The following SHISA9 variants were observed in gnomAD, a reference collection of about 807,000 sequenced individuals.
SHISA9 encodes protein shisa-9.
SHISA9 carries 13 observed loss-of-function variants against 38.0 expected under a neutral mutation model. The ratio of observed to expected loss-of-function variants is 0.34; its 90% CI spans 0.22 to 0.54. SHISA9 has a LOEUF of 0.54. SHISA9 is among the 20% of genes least tolerant of loss of function. SHISA9 has a pLI of 0.91. For synonymous variants in SHISA9, 275 were observed against 242.0 expected (o/e 1.14, Z -1.27); for missense variants, 538 against 575.8 (o/e 0.93, Z 0.67).
At chr16:13,255,296 C>T in the SHISA9 span, among the ~76,000 whole-genome samples, 1 of 152,022 alleles carries the variant, frequency 6.6e-6, no homozygotes, top group Non-Finnish European at 1.5e-5. Flanking sequence ...ATCTTTCTTC[C>T]TTTTTGTTTC....
chr16:13,477,921 C>T, the SHISA9 span, among the ~76,000 whole-genome samples: 2 of 152,156 alleles, frequency 1.3e-5, no homozygotes, highest in Non-Finnish European at 2.9e-5. Flanking sequence ...GCTGAGATCA[C>T]ACCATTGCAC....
At chr16:12,952,381 C>T (rs1039345918) in intron 2 of SHISA9, among the ~76,000 whole-genome samples, 12 of 152,210 alleles carry the variant, frequency 7.9e-5, no homozygotes, top group Non-Finnish European at 1.6e-4. Flanking sequence ...CTTCAGCTGA[C>T]GTGTGGTTGA....
At chr16:13,458,453 G>A in the SHISA9 span, 8 of 384,372 alleles carry the variant, frequency 2.1e-5, no homozygotes, top group African/African-American at 4.3e-5. Context: ...CAGATAAAGC[G>A]GAGGGAAGGG....
chr16:13,468,802 C>A, the SHISA9 span, among the ~76,000 whole-genome samples: 1 of 151,842 alleles, frequency 6.6e-6, no homozygotes, highest in African/African-American at 2.4e-5. Flanking sequence ...CATAGTGAGA[C>A]CCTGTCTGTC....
At chr16:13,035,360 C>T (rs1053046624) in intron 2 of SHISA9, among the ~76,000 whole-genome samples, 1 of 152,226 alleles carries the variant, frequency 6.6e-6, no homozygotes, top group Admixed American at 6.5e-5. Context: ...GAAAACATGG[C>T]AGGTCTTTTT....
chr16:13,253,024 C>T, the SHISA9 span, among the ~76,000 whole-genome samples: 2 of 152,198 alleles, frequency 1.3e-5, no homozygotes, highest in Non-Finnish European at 2.9e-5. Context: ...TGAAGACCTT[C>T]ATGATGATCC....
At chr16:13,007,750 C>T (rs748568996) in intron 2 of SHISA9, among the ~76,000 whole-genome samples, 2 of 152,220 alleles carry the variant, frequency 1.3e-5, no homozygotes, top group Non-Finnish European at 2.9e-5. Context: ...GCTTATGCAT[C>T]TTTCTTCTAC....
At chr16:13,499,025 G>A in the SHISA9 span, among the ~76,000 whole-genome samples, 1 of 152,174 alleles carries the variant, frequency 6.6e-6, no homozygotes, top group African/African-American at 2.4e-5. Flanking sequence ...CTGCCCCTGA[G>A]CAGGAGGCCC....
At chr16:13,274,460 C>T in the SHISA9 span, among the ~76,000 whole-genome samples, 2 of 152,108 alleles carry the variant, frequency 1.3e-5, no homozygotes, top group Admixed American at 1.3e-4. Context: ...AGTTGAAATG[C>T]CTTGAAGAGG....
chr16:12,951,672 G>C (rs2071759522), intron 2 of SHISA9, among the ~76,000 whole-genome samples: 1 of 152,152 alleles, frequency 6.6e-6, no homozygotes, highest in African/African-American at 2.4e-5. Context: ...GGATCTGGGG[G>C]AGGAACCACC....
chr16:13,174,640 G>C (rs928408190), intron 2 of SHISA9, among the ~76,000 whole-genome samples: 1 of 152,192 alleles, frequency 6.6e-6, no homozygotes, highest in African/African-American at 2.4e-5. Flanking sequence ...GCCCAGGAGG[G>C]GTTTGGACTT....
intron 2 of SHISA9, among the ~76,000 whole-genome samples, chr16:13,154,034 T>C (rs1176389041): frequency 6.6e-6 from 1 of 152,096 alleles, no homozygotes; most frequent in Non-Finnish European, 1.5e-5. Flanking sequence ...CTCTGGTGTT[T>C]TTGCAAGGAT....
At chr16:12,975,938 C>T (rs966709038) in intron 2 of SHISA9, among the ~76,000 whole-genome samples, 5 of 150,804 alleles carry the variant, frequency 3.3e-5, no homozygotes, top group Non-Finnish European at 5.9e-5. Flanking sequence ...AATTTTAATT[C>T]ATCAGCAAAT....
the SHISA9 span, among the ~76,000 whole-genome samples, chr16:13,396,769 A>C: frequency 2.6e-5 from 4 of 152,090 alleles, no homozygotes; most frequent in Non-Finnish European, 5.9e-5. Flanking sequence ...TCACTTCTTG[A>C]TGTAAACATC....
At chr16:13,398,327 A>G in the SHISA9 span, among the ~76,000 whole-genome samples, 62,107 of 151,938 alleles carry the variant, frequency 0.41, 14,195 homozygotes, top group African/African-American at 0.64. Context: ...TGTATCAGTA[A>G]GCTGTTAGTT....
chr16:12,902,839 TGTGTGTGAGC>T (rs1444141921), intron 1 of SHISA9: 4 of 575,546 alleles, frequency 6.9e-6, no homozygotes, highest in African/African-American at 6.3e-5. Flanking sequence ...CGTGTTCGTG[TGTGTGTGAGC>T]GTGTGTGTGT....
At chr16:13,060,903 C>T (rs1324491457) in intron 2 of SHISA9, among the ~76,000 whole-genome samples, 1 of 152,146 alleles carries the variant, frequency 6.6e-6, no homozygotes, top group African/African-American at 2.4e-5. Flanking sequence ...CTGGACAAAC[C>T]CTTGCTTCTT....
At chr16:13,417,028 G>C in the SHISA9 span, among the ~76,000 whole-genome samples, 1 of 152,176 alleles carries the variant, frequency 6.6e-6, no homozygotes, top group Non-Finnish European at 1.5e-5. Flanking sequence ...GATGGAGAAA[G>C]TCTGTTTATA....
chr16:13,157,026 A>G (rs1385916415), intron 2 of SHISA9, among the ~76,000 whole-genome samples: 1 of 152,172 alleles, frequency 6.6e-6, no homozygotes, highest in African/African-American at 2.4e-5. Flanking sequence ...TATGCATCAG[A>G]GGATTCCTAT....
Sources: gnomAD v4.1 joint callset for allele counts (sites outside exome capture counted in the v4.1 genomes callset) on GRCh38, gnomAD v4.1.1 for gene constraint, MANE v1.5 for transcripts, NCBI Gene and HGNC (gene_info 2026-07-23, HGNC 2026-07-21) for gene names.